The following CD247 variants were observed in gnomAD, a reference collection of about 807,000 sequenced individuals.
CD247 encodes T-cell surface glycoprotein CD3 zeta chain.
In CD247, 13 loss-of-function variants were observed where a neutral mutation model predicts 30.0. The observed-to-expected ratio is 0.43, with a 90% CI of 0.28 to 0.69. The LOEUF (loss-of-function observed/expected upper bound fraction) is 0.69. Ranked by LOEUF, CD247 falls within the 30% of genes least tolerant of loss-of-function variation. The pLI is 0.16. For missense variants in CD247, 193 were observed against 212.6 expected, an observed-to-expected ratio of 0.91 and a Z score of 0.57; for synonymous variants, 72 against 80.0, an observed-to-expected ratio of 0.90 and a Z score of 0.53.
At chr1:167,464,919 C>CA (rs1653172161) in intron 1 of CD247, among the ~76,000 whole-genome samples, 1 of 152,060 alleles carries the variant, frequency 6.6e-6, no homozygotes, top group Non-Finnish European at 1.5e-5. Context: ...AAAACAAAAA[C>CA]AAAAAACAAA....
At chr1:167,452,486 G>A (rs556906578) in intron 1 of CD247, among the ~76,000 whole-genome samples, 2 of 151,552 alleles carry the variant, frequency 1.3e-5, no homozygotes, top group East Asian at 3.9e-4. Flanking sequence ...ATGATGTAAA[G>A]ACACAGGGAG....
At chr1:167,471,302 T>C (rs1189207620) in intron 1 of CD247, among the ~76,000 whole-genome samples, 5 of 152,192 alleles carry the variant, frequency 3.3e-5, no homozygotes, top group Non-Finnish European at 4.4e-5. Flanking sequence ...GTAATTCAGC[T>C]CTAAATTTTC....
At chr1:167,465,385 C>A (rs1370329235) in intron 1 of CD247, among the ~76,000 whole-genome samples, 1 of 137,438 alleles carries the variant, frequency 7.3e-6, no homozygotes, top group Non-Finnish European at 1.5e-5. Context: ...TGCTGGAGTG[C>A]AGTGGTGATC....
intron 1 of CD247, among the ~76,000 whole-genome samples, chr1:167,469,982 C>T (rs896007403): frequency 3.3e-5 from 5 of 152,010 alleles, no homozygotes; most frequent in East Asian, 1.9e-4. Flanking sequence ...GGTGCGATCT[C>T]GGCACACGGC....
At chr1:167,500,501 C>T (rs1273885900) in intron 1 of CD247, among the ~76,000 whole-genome samples, 1 of 152,206 alleles carries the variant, frequency 6.6e-6, no homozygotes, top group Non-Finnish European at 1.5e-5. Flanking sequence ...GTGGCCTGTA[C>T]ACATATGTGT....
chr1:167,472,464 G>A (rs775884717), intron 1 of CD247, among the ~76,000 whole-genome samples: 3 of 152,160 alleles, frequency 2.0e-5, no homozygotes, highest in Non-Finnish European at 4.4e-5. Context: ...CACACAGTGT[G>A]TGCACATGCG....
intron 1 of CD247, among the ~76,000 whole-genome samples, chr1:167,466,545 C>G (rs900953447): frequency 6.6e-6 from 1 of 152,020 alleles, no homozygotes; most frequent in African/African-American, 2.4e-5. Context: ...TAAGAGTCAC[C>G]TGAATATTGG....
chr1:167,481,263 G>A (rs1328117072), intron 1 of CD247, among the ~76,000 whole-genome samples: 3 of 152,120 alleles, frequency 2.0e-5, no homozygotes, highest in East Asian at 3.8e-4. Context: ...CCCCAGGCTG[G>A]GCAACAGAGA....
chr1:167,507,251 A>G (rs1655181888), intron 1 of CD247, among the ~76,000 whole-genome samples: 1 of 151,490 alleles, frequency 6.6e-6, no homozygotes, highest in Non-Finnish European at 1.5e-5. Flanking sequence ...TTCAAAGAGA[A>G]GGAATGGTGA....
At chr1:167,501,965 C>T (rs1482747010) in intron 1 of CD247, among the ~76,000 whole-genome samples, 2 of 152,238 alleles carry the variant, frequency 1.3e-5, no homozygotes, top group Non-Finnish European at 2.9e-5. Context: ...AATGTGCAGG[C>T]AATGTTTTTC....
chr1:167,518,409 T>C lies in CD247; in HGVS notation c.57A>G (p.Thr19=). The stretch of plus-strand genomic sequence containing the variant: ...CTGCCGTCGACACGTCGGCCCTACC[T>C]GTAATCGGCAACTGTGCCTGCAGGA... ...AAILQAQLPI[T]EAQSFGLLDP... is the part of the protein sequence containing the mutation. Residue 19 remains threonine (T), a splice_region_variant and synonymous_variant, in exon 1 of 8, where the codon ACA becomes ACG. Coordinates refer to ENST00000362089, the MANE Select transcript of CD247 (RefSeq NM_198053.3). 2.5e-6 allele frequency: 4 copies of C among 1,614,086 alleles called. No homozygotes were observed. Among genetic ancestry groups the C allele is most frequent in the Non-Finnish European group, 3.4e-6 (4 of 1,179,940 alleles).
At chr1:167,472,195 T>G (rs913633823) in intron 1 of CD247, among the ~76,000 whole-genome samples, 5 of 152,366 alleles carry the variant, frequency 3.3e-5, no homozygotes, top group Middle Eastern at 3.4e-3. Context: ...TGGTATATAC[T>G]GTGAATATTT....
chr1:167,453,757 CAGGAGTTTG>C (rs1652487302), intron 1 of CD247, among the ~76,000 whole-genome samples: 1 of 152,164 alleles, frequency 6.6e-6, no homozygotes, highest in South Asian at 2.1e-4. Context: ...TTCTTGAGCT[CAGGAGTTTG>C]AGACATAGCA....
intron 2 of CD247, 68 bp from the exon 3 acceptor site, chr1:167,439,468 C>A: frequency 6.9e-7 from 1 of 1,443,868 alleles, no homozygotes; most frequent in Middle Eastern, 1.8e-4. Flanking sequence ...GGTGCCAGGG[C>A]GCGCGGCGAC....
intron 1 of CD247, chr1:167,457,723 G>A (rs1652769451): frequency 6.6e-6 from 1 of 152,196 alleles, no homozygotes; most frequent in South Asian, 2.1e-4. Context: ...CAAAGCTCCA[G>A]CCCATTCCAA....
chr1:167,460,744 C>A (rs566814151), intron 1 of CD247, among the ~76,000 whole-genome samples: 3 of 152,318 alleles, frequency 2.0e-5, no homozygotes, highest in East Asian at 1.9e-4. Context: ...CTCCAGCCCC[C>A]TGACCCCCCG....
At chr1:167,433,923 G>A in intron 6 of CD247, 97 bp downstream of exon 6, 1 of 1,120,878 alleles carries the variant, frequency 8.9e-7, no homozygotes. Flanking sequence ...GGCATTTGCA[G>A]CTGGGATGAG....
chr1:167,443,046 C>T (rs560971080), intron 1 of CD247, among the ~76,000 whole-genome samples: 6 of 152,208 alleles, frequency 3.9e-5, no homozygotes, highest in Admixed American at 3.3e-4. Flanking sequence ...TCTAGGCTTG[C>T]GTTCTACCCC....
chr1:167,481,547 A>G (rs1039747576), intron 1 of CD247, among the ~76,000 whole-genome samples: 1 of 152,216 alleles, frequency 6.6e-6, no homozygotes, highest in African/African-American at 2.4e-5. Flanking sequence ...GGGGGCGGAA[A>G]GAGAAACTCA....
Sources: gnomAD v4.1 joint callset for allele counts (sites outside exome capture counted in the v4.1 genomes callset) on GRCh38, gnomAD v4.1.1 for gene constraint, MANE v1.5 for transcripts, NCBI Gene and HGNC (gene_info 2026-07-23, HGNC 2026-07-21) for gene names.